The following EPHB1 variants were observed in gnomAD, a reference collection of about 807,000 sequenced individuals.
EPHB1 encodes ephrin type-B receptor 1.
EPHB1 carries 30 observed loss-of-function variants against 94.4 expected under a neutral mutation model. The observed-to-expected ratio is 0.32, with a 90% confidence interval of 0.24 to 0.43. EPHB1 has a LOEUF of 0.43. Among genes scored for constraint, EPHB1 ranks in the 20% least tolerant of loss-of-function variants. EPHB1 has a pLI of 1.00. For missense variants in EPHB1, 1,055 were observed against 1,308.3 expected (o/e 0.81, Z 2.99); for synonymous variants, 522 against 489.1 (o/e 1.07, Z -0.89).
intron 12 of EPHB1, among the ~76,000 whole-genome samples, chr3:135,205,172 T>A (rs1490176000): frequency 6.6e-6 from 1 of 152,174 alleles, no homozygotes; most frequent in Non-Finnish European, 1.5e-5. Context: ...ATAAGTACCA[T>A]CATTTTGTTT....
intron 3 of EPHB1, among the ~76,000 whole-genome samples, chr3:135,038,846 C>T (rs1405494130): frequency 6.7e-6 from 1 of 149,986 alleles, no homozygotes; most frequent in Non-Finnish European, 1.5e-5. Context: ...GAAGGGGACC[C>T]CAGCGGGTTG....
intron 3 of EPHB1, among the ~76,000 whole-genome samples, chr3:135,017,149 T>C (rs1442287608): frequency 1.3e-5 from 2 of 152,312 alleles, no homozygotes; most frequent in South Asian, 4.1e-4. Context: ...AATTCACAGC[T>C]CTGTGTGCAA....
intron 3 of EPHB1, among the ~76,000 whole-genome samples, chr3:135,005,876 T>G (rs1935389627): frequency 6.6e-6 from 1 of 152,224 alleles, no homozygotes; most frequent in Non-Finnish European, 1.5e-5. Flanking sequence ...CCTAGTGAGA[T>G]GAACCCAGTA....
chr3:135,031,449 G>A (rs4602436), intron 3 of EPHB1, among the ~76,000 whole-genome samples: 38,552 of 151,940 alleles, frequency 0.25, 6,331 homozygotes, highest in East Asian at 0.71. Context: ...AGCTGTGACT[G>A]GAGGTATACA....
At chr3:135,198,424 T>A (rs1177513924) in intron 11 of EPHB1, among the ~76,000 whole-genome samples, 1 of 152,222 alleles carries the variant, frequency 6.6e-6, no homozygotes, top group East Asian at 1.9e-4. Flanking sequence ...CATTCAAAAG[T>A]CAAGTGATGG....
At chr3:134,947,320 AC>A (rs996025067) in intron 2 of EPHB1, among the ~76,000 whole-genome samples, 1 of 150,816 alleles carries the variant, frequency 6.6e-6, no homozygotes, top group East Asian at 1.9e-4. Flanking sequence ...TCTTTCTTCG[AC>A]CCCCCCAGTT....
At chr3:135,123,500 A>G (rs770102199) in intron 4 of EPHB1, among the ~76,000 whole-genome samples, 35 of 152,148 alleles carry the variant, frequency 2.3e-4, no homozygotes, top group Non-Finnish European at 3.1e-4. Context: ...GGGCAGTGAT[A>G]TGAACAAGTT....
intron 3 of EPHB1, among the ~76,000 whole-genome samples, chr3:134,964,161 T>A (rs1933636492): frequency 6.6e-6 from 1 of 152,228 alleles, no homozygotes; most frequent in Non-Finnish European, 1.5e-5. Context: ...GGAGAGTCTT[T>A]GCATTAGGAT....
chr3:134,844,564 C>G (rs2036835193), intron 1 of EPHB1, among the ~76,000 whole-genome samples: 1 of 152,220 alleles, frequency 6.6e-6, no homozygotes, highest in Non-Finnish European at 1.5e-5. Context: ...CACTCCAAAT[C>G]AAGTGAGTTC....
intron 3 of EPHB1, among the ~76,000 whole-genome samples, chr3:135,029,324 G>A (rs1936324335): frequency 1.3e-5 from 2 of 152,002 alleles, no homozygotes; most frequent in African/African-American, 2.4e-5. Flanking sequence ...AGTCTGGATG[G>A]TCTTTACATT....
intron 3 of EPHB1, among the ~76,000 whole-genome samples, chr3:135,003,651 G>T (rs1293877642): frequency 1.3e-5 from 2 of 152,070 alleles, no homozygotes; most frequent in African/African-American, 2.4e-5. Context: ...TCCTGTATTG[G>T]GTGCATACAT....
At chr3:135,203,854 A>C (rs2107713848) in intron 12 of EPHB1, among the ~76,000 whole-genome samples, 1 of 152,290 alleles carries the variant, frequency 6.6e-6, no homozygotes, top group East Asian at 1.9e-4. Flanking sequence ...GCAAACATTC[A>C]CACTCTACCA....
At chr3:134,899,327 T>C (rs2038150819) in intron 1 of EPHB1, among the ~76,000 whole-genome samples, 1 of 152,140 alleles carries the variant, frequency 6.6e-6, no homozygotes, top group African/African-American at 2.4e-5. Context: ...GGTCCTGAGA[T>C]TGGCCTGCGA....
At chr3:134,967,627 C>T (rs1933812052) in intron 3 of EPHB1, among the ~76,000 whole-genome samples, 1 of 152,182 alleles carries the variant, frequency 6.6e-6, no homozygotes, top group Non-Finnish European at 1.5e-5. Context: ...GCAGAGTCCC[C>T]ACCAGCAAGA....
At chr3:135,123,015 G>A (rs990168062) in intron 4 of EPHB1, among the ~76,000 whole-genome samples, 1 of 152,156 alleles carries the variant, frequency 6.6e-6, no homozygotes, top group African/African-American at 2.4e-5. Context: ...GATGCCTCAG[G>A]GACAGGAGCT....
intron 3 of EPHB1, among the ~76,000 whole-genome samples, chr3:134,987,128 A>G (rs1381634600): frequency 6.6e-6 from 1 of 152,152 alleles, no homozygotes; most frequent in African/African-American, 2.4e-5. Context: ...TATCATGCCT[A>G]AATAATAGTA....
chr3:134,823,294 GGAC>G (rs1366345701), intron 1 of EPHB1, among the ~76,000 whole-genome samples: 1 of 152,198 alleles, frequency 6.6e-6, no homozygotes, highest in Non-Finnish European at 1.5e-5. Context: ...CAGGAGCAGT[GGAC>G]AGTGAAGACA....
chr3:135,182,318 T>G (rs1268731137), intron 10 of EPHB1, among the ~76,000 whole-genome samples: 1 of 152,218 alleles, frequency 6.6e-6, no homozygotes, highest in Non-Finnish European at 1.5e-5. Context: ...GGGGAAAACT[T>G]GGGTTGCAAC....
intron 1 of EPHB1, among the ~76,000 whole-genome samples, chr3:134,885,631 T>A (rs1332797014): frequency 1.3e-5 from 2 of 152,128 alleles, no homozygotes; most frequent in Non-Finnish European, 2.9e-5. Context: ...ATCCAAGGAG[T>A]TTTGTGGAAC....
Sources: gnomAD v4.1 joint callset for allele counts (sites outside exome capture counted in the v4.1 genomes callset) on GRCh38, gnomAD v4.1.1 for gene constraint, MANE v1.5 for transcripts, NCBI Gene and HGNC (gene_info 2026-07-23, HGNC 2026-07-21) for gene names.